The following IPCEF1 variants were observed in gnomAD, a reference collection of about 807,000 sequenced individuals.
IPCEF1 encodes the protein interaction protein for cytohesin exchange factors 1.
A neutral mutation model predicts 50.9 loss-of-function variants in IPCEF1; 31 were observed. That is an observed-to-expected ratio of 0.61 (90% CI 0.46 to 0.82). The LOEUF (loss-of-function observed/expected upper bound fraction) is 0.82. Among genes scored for constraint, IPCEF1 ranks in the 40% least tolerant of loss-of-function variants. IPCEF1 has a pLI of 0.00. For missense variants in IPCEF1, 458 were observed against 514.0 expected, an observed-to-expected ratio of 0.89 and a Z score of 1.05; for synonymous variants, 181 against 192.0, an observed-to-expected ratio of 0.94 and a Z score of 0.47.
At chr6:154,329,885 T>C (rs1309330609) in intron 1 of IPCEF1, 4 of 152,300 alleles carry the variant, frequency 2.6e-5, no homozygotes, top group Non-Finnish European at 5.9e-5. Flanking sequence ...GGAGAGTCTT[T>C]GTTTTGAATC....
chr6:154,214,346 G>C, intron 7 of IPCEF1, 70 bp from the exon 8 acceptor site: 1 of 1,040,628 alleles, frequency 9.6e-7, no homozygotes, highest in Non-Finnish European at 1.5e-6. Context: ...TTCCCCCAGA[G>C]TTTGTTATGA....
chr6:154,183,844 C>G (rs139553094), intron 10 of IPCEF1, among the ~76,000 whole-genome samples: 2,882 of 152,062 alleles, frequency 0.019, 81 homozygotes, highest in African/African-American at 0.065. Flanking sequence ...GAACCGAGGT[C>G]ATGCCACTGC....
chr6:154,238,179 G>T (rs1780289918), intron 5 of IPCEF1, among the ~76,000 whole-genome samples: 1 of 152,098 alleles, frequency 6.6e-6, no homozygotes, highest in South Asian at 2.1e-4. Context: ...TTTTATTTTT[G>T]TAAAACATAG....
intron 1 of IPCEF1, among the ~76,000 whole-genome samples, chr6:154,355,140 T>C (rs957256956): frequency 6.6e-6 from 1 of 152,066 alleles, no homozygotes; most frequent in East Asian, 1.9e-4. Flanking sequence ...AAAGCAGAAG[T>C]GAGCTGTTCA....
chr6:154,251,419 T>C (rs1243092173), intron 3 of IPCEF1, among the ~76,000 whole-genome samples: 1 of 152,096 alleles, frequency 6.6e-6, no homozygotes, highest in East Asian at 1.9e-4. Flanking sequence ...CTAAAACATA[T>C]GAATAAAGCT....
At chr6:154,324,884 G>GTT (rs35721080) in intron 1 of IPCEF1, among the ~76,000 whole-genome samples, 3 of 151,582 alleles carry the variant, frequency 2.0e-5, no homozygotes. Flanking sequence ...ACGTTTGAGG[G>GTT]TTTTTTTCCA....
intron 1 of IPCEF1, among the ~76,000 whole-genome samples, chr6:154,355,698 A>ATCATGTT (rs1784205192): frequency 6.6e-6 from 1 of 152,028 alleles, no homozygotes; most frequent in Admixed American, 6.6e-5. Context: ...CATGTTGGCC[A>ATCATGTT]GGCTGGTCTC....
intron 2 of IPCEF1, among the ~76,000 whole-genome samples, chr6:154,287,304 T>C (rs1782388416): frequency 1.3e-5 from 2 of 152,028 alleles, no homozygotes; most frequent in South Asian, 4.1e-4. Flanking sequence ...ATGGGCCAAT[T>C]AAACCTCCTT....
chr6:154,236,482 T>A (rs544345206), intron 5 of IPCEF1, among the ~76,000 whole-genome samples: 2 of 152,296 alleles, frequency 1.3e-5, no homozygotes, highest in East Asian at 3.9e-4. Context: ...TGCTGACGGT[T>A]GCACAGTAAT....
intron 1 of IPCEF1, among the ~76,000 whole-genome samples, chr6:154,319,685 A>T (rs1783322642): frequency 6.6e-6 from 1 of 152,226 alleles, no homozygotes; most frequent in Non-Finnish European, 1.5e-5. Flanking sequence ...GCGGGGAAAC[A>T]TCTTATTTAA....
At chr6:154,161,222 T>TC (rs1328071900) in intron 11 of IPCEF1, among the ~76,000 whole-genome samples, 1 of 151,522 alleles carries the variant, frequency 6.6e-6, no homozygotes. Context: ...TTCATTTTTT[T>TC]TTTTTTTTGA....
intron 5 of IPCEF1, among the ~76,000 whole-genome samples, chr6:154,245,286 G>GA (rs1780936480): frequency 7.7e-4 from 41 of 52,992 alleles, no homozygotes; most frequent in Non-Finnish European, 1.4e-3. Flanking sequence ...CCAAATGCTT[G>GA]GAAAAAAAAA....
Position 154,265,944 on chromosome 6 carries a change from T to C in IPCEF1, c.4A>G (p.Thr2Ala). Residue 2 changes from threonine (T) to alanine (A), a missense_variant, in exon 3 of 12, where the codon ACA becomes GCA. Coordinates refer to ENST00000367220, the MANE Select transcript of IPCEF1 (RefSeq NM_001130700.2). ...CTGCCATCAATAGCCATGTATGATG[T>C]CATCTTAGTAGAAACAAAAGCTAGA... M[T>A]SYMAIDGSAL... The C allele has an allele frequency of 6.2e-7, 1 of 1,600,646 alleles. No homozygotes were observed. Among genetic ancestry groups the C allele is most frequent in the Non-Finnish European group, 8.5e-7 (1 of 1,172,060 alleles).
In IPCEF1 at chr6:154,183,641, G is replaced by A. The variant is rs144157248; in HGVS notation, c.911-15528C>T. Among the ~76,000 whole-genome samples, 257 of 152,276 alleles carry A rather than the reference G, an allele frequency of 1.7e-3. 1 individual carries two copies. Among genetic ancestry groups the A allele is most frequent in the Non-Finnish European group, 2.8e-3 (193 of 68,022 alleles). ...TTGGGCTGGGTGGTGGCTTACACCTGTAATCCCAGGACTTTTTGAGGCCGA... is the reference window on the plus strand; with the variant it reads ...TTGGGCTGGGTGGTGGCTTACACCTATAATCCCAGGACTTTTTGAGGCCGA... On this transcript the variant is annotated intron_variant, in intron 10 of 11. Transcript: ENST00000367220.
intron 10 of IPCEF1, among the ~76,000 whole-genome samples, chr6:154,198,631 TACACACACACACACAC>T: frequency 6.8e-6 from 1 of 146,802 alleles, no homozygotes; most frequent in Admixed American, 6.9e-5. Context: ...AAATATTACA[TACACACACACACACAC>T]ACACACACAC....
In IPCEF1 at chr6:154,168,138, A is replaced by G. The variant is rs921445876; in HGVS notation, c.911-25T>C. 4 of 1,505,304 alleles carry G rather than the reference A, an allele frequency of 2.7e-6. No individual in the cohort carries two copies. In the African/African-American group the frequency reaches 5.6e-5, roughly 21 times the overall value. 93.2% of individuals were successfully genotyped at this position (1,505,304 alleles called of 1,614,324 possible). ...TCTATTTGAAAAAAAAAAAGAAAGC[A>G]GTAACAATAAACCCAGTGAAAAATC... On this transcript the variant is annotated intron_variant, in intron 10 of 11. Transcript: ENST00000367220. The surrounding 1 kb of genome is among the most constrained non-coding windows in gnomAD (Gnocchi z 4.1).
At chr6:154,326,498 T>C (rs1440739512) in intron 1 of IPCEF1, among the ~76,000 whole-genome samples, 1 of 152,008 alleles carries the variant, frequency 6.6e-6, no homozygotes, top group Non-Finnish European at 1.5e-5. Context: ...TCTAGGAATA[T>C]AGCTAAGGAT....
intron 5 of IPCEF1, among the ~76,000 whole-genome samples, chr6:154,235,528 T>A (rs1780050492): frequency 1.8e-5 from 1 of 56,928 alleles, no homozygotes; most frequent in African/African-American, 1.1e-4. Context: ...CAAAACTCTG[T>A]CACAAAAAAA....
intron 1 of IPCEF1, among the ~76,000 whole-genome samples, chr6:154,328,481 T>A (rs1435980480): frequency 6.6e-6 from 1 of 152,052 alleles, no homozygotes; most frequent in Admixed American, 6.5e-5. Flanking sequence ...GGCTCACACC[T>A]GTAATCCCAG....
Sources: gnomAD v4.1 joint callset for allele counts (sites outside exome capture counted in the v4.1 genomes callset) on GRCh38, gnomAD v4.1.1 for gene constraint, Gnocchi (gnomAD v3.1) non-coding constraint, MANE v1.5 for transcripts, NCBI Gene and HGNC (gene_info 2026-07-23, HGNC 2026-07-21) for gene names.